Variants in TSPAN11 observed in about 807,000 individuals in gnomAD.
The protein encoded by TSPAN11 is tetraspanin-11.
In TSPAN11, 29 loss-of-function variants were observed where a neutral mutation model predicts 32.9. That is an observed-to-expected ratio of 0.88 (90% CI 0.66 to 1.20). TSPAN11 has a LOEUF of 1.20. TSPAN11 is among the 50% of genes most tolerant of loss of function. The probability of loss-of-function intolerance (pLI) is 0.00; values close to 1 mark genes in which losing one functional copy is unlikely to be tolerated. For missense variants in TSPAN11, 283 were observed against 329.1 expected, an observed-to-expected ratio of 0.86 and a Z score of 1.08; for synonymous variants, 140 against 141.3, an observed-to-expected ratio of 0.99 and a Z score of 0.07.
chr12:30,951,443 C>T (rs1021889304), intron 1 of TSPAN11, among the ~76,000 whole-genome samples: 6 of 152,222 alleles, frequency 3.9e-5, no homozygotes, highest in African/African-American at 1.4e-4. Flanking sequence ...GTGAGTATTG[C>T]ACAGTGGGTA....
In TSPAN11 at chr12:30,992,147, C is replaced by A. The variant is rs1939327275; in HGVS notation, c.*232C>A. The A allele has an allele frequency of 6.7e-6, 4 of 593,894 alleles. No homozygotes were observed. In the East Asian group the frequency reaches 1.1e-4, roughly 17 times the overall value. The allele number at this position is 593,894 out of a possible 1,614,324, so 36.8% of individuals were successfully genotyped here. ...TGAGCCCCCATGGCCAGATCCTGGG[C>A]AGGGAAATGATCCTTTCAGGAGACA... On this transcript the variant is annotated 3_prime_UTR_variant, in exon 8 of 8. Coordinates refer to ENST00000546076, the MANE Select transcript of TSPAN11 (RefSeq NM_001370302.1).
chr12:30,998,261 C>A (rs190355873), downstream of TSPAN11, among the ~76,000 whole-genome samples: 1 of 152,360 alleles, frequency 6.6e-6, no homozygotes, highest in Admixed American at 6.5e-5. Flanking sequence ...AGGCAGGCAG[C>A]ATGATGCCAT....
At chr12:30,954,161 G>A (rs568884556) in intron 2 of TSPAN11, 86 bp downstream of exon 2, 1 of 931,838 alleles carries the variant, frequency 1.1e-6, no homozygotes, top group South Asian at 1.3e-5. Flanking sequence ...CCACTTTGAG[G>A]TTGATATCTT....
At chr12:31,002,102 G>A in the TSPAN11 span, among the ~76,000 whole-genome samples, 1 of 152,170 alleles carries the variant, frequency 6.6e-6, no homozygotes, top group Non-Finnish European at 1.5e-5. This position sits in a 1 kb window ranked among gnomAD's most constrained non-coding sequence, Gnocchi z 4.8. Flanking sequence ...CACTGAGTCT[G>A]TCTCGGTAAA....
intron 1 of TSPAN11, 60 bp downstream of exon 1, chr12:30,926,856 G>T: frequency 9.3e-7 from 1 of 1,077,572 alleles, no homozygotes; most frequent in South Asian, 1.5e-5. Context: ...GGGGGTCCAG[G>T]AGAGGCGCCT....
At chr12:31,013,184 T>A in the TSPAN11 span, among the ~76,000 whole-genome samples, 3 of 152,166 alleles carry the variant, frequency 2.0e-5, no homozygotes, top group Non-Finnish European at 4.4e-5. Context: ...TAAACTTTAA[T>A]CCAGCCATGA....
downstream of TSPAN11, among the ~76,000 whole-genome samples, chr12:30,999,610 A>C (rs1031778110): frequency 1.3e-5 from 2 of 152,160 alleles, no homozygotes; most frequent in African/African-American, 4.8e-5. Flanking sequence ...ATGGGTACTG[A>C]AAGTACGGTT....
In TSPAN11 at chr12:30,979,484, G is replaced by T. The variant is rs111622756; in HGVS notation, c.352-82G>T. ...GTCCGCAGTGTTCTAGAATTAGCTG[G>T]GGGGAGTTGGAAGTGGGCCCGGTGC... On this transcript the variant is annotated intron_variant, in intron 4 of 7. Coordinates refer to ENST00000546076, the MANE Select transcript of TSPAN11 (RefSeq NM_001370302.1). 1.1e-3 allele frequency: 1,437 copies of T among 1,256,106 alleles called. 21 individuals carry two copies. The African/African-American group carries it at 0.019, about 17-fold the overall frequency. 77.8% of individuals were successfully genotyped at this position (1,256,106 alleles called of 1,614,324 possible). A position where few individuals can be genotyped will look rare whatever the true frequency, so the allele number is the denominator to read the frequency against.
chr12:30,979,871 T>C (rs1939053488), intron 5 of TSPAN11, among the ~76,000 whole-genome samples: 1 of 152,236 alleles, frequency 6.6e-6, no homozygotes, highest in Non-Finnish European at 1.5e-5. Flanking sequence ...CCATGAAAAC[T>C]ACCTGTTGAA....
intron 3 of TSPAN11, among the ~76,000 whole-genome samples, chr12:30,968,230 A>G (rs1229417786): frequency 6.6e-6 from 1 of 152,248 alleles, no homozygotes; most frequent in African/African-American, 2.4e-5. Context: ...AAGATGAAAG[A>G]CCAGGCATCT....
chr12:30,938,992 G>C (rs1026709290), intron 1 of TSPAN11, among the ~76,000 whole-genome samples: 1 of 152,052 alleles, frequency 6.6e-6, no homozygotes, highest in Non-Finnish European at 1.5e-5. Flanking sequence ...CAGCACTTTG[G>C]GAGGCTGAGG....
At chr12:30,958,204 T>A (rs1313222382) in intron 2 of TSPAN11, among the ~76,000 whole-genome samples, 2 of 152,100 alleles carry the variant, frequency 1.3e-5, no homozygotes, top group Non-Finnish European at 2.9e-5. Context: ...TAGGGGTAGA[T>A]GGGACTGGGG....
At chr12:30,980,326 T>A (rs1202691244) in intron 5 of TSPAN11, among the ~76,000 whole-genome samples, 2 of 152,162 alleles carry the variant, frequency 1.3e-5, no homozygotes, top group East Asian at 3.9e-4. Flanking sequence ...TCAGCTCAAT[T>A]AAATACAACA....
chr12:30,938,949 C>T (rs975639670), intron 1 of TSPAN11, among the ~76,000 whole-genome samples: 7 of 152,208 alleles, frequency 4.6e-5, no homozygotes, highest in East Asian at 3.9e-4. Flanking sequence ...AAAACAGAAG[C>T]GGGCTGGTTG....
rs925504366 is a variant in TSPAN11, at chr12:30,975,986, G to A, written c.277-2575G>A. ...AGGGAAGTTTGGAGCAGGCAGGAAG[G>A]GCACGCATGTCAGAAAGGAGCCGCA... On this transcript the variant is annotated intron_variant, in intron 3 of 7. Transcript: ENST00000546076. The surrounding 1 kb of genome is among the most constrained non-coding windows in gnomAD (Gnocchi z 4.5). 2.0e-5 allele frequency among the ~76,000 whole-genome samples: 3 copies of A among 152,166 alleles called. No individual in the cohort carries two copies. Among genetic ancestry groups the A allele is most frequent in the African/African-American group, 7.2e-5 (3 of 41,448 alleles).
downstream of TSPAN11, among the ~76,000 whole-genome samples, chr12:30,999,803 A>G (rs939895317): frequency 1.3e-5 from 2 of 152,088 alleles, 1 homozygote; most frequent in East Asian, 3.9e-4. Flanking sequence ...AAAATTTCTA[A>G]GCAACAGGTA....
At chr12:30,968,896 C>T (rs1938791037) in intron 3 of TSPAN11, among the ~76,000 whole-genome samples, 1 of 152,300 alleles carries the variant, frequency 6.6e-6, no homozygotes, top group Admixed American at 6.5e-5. Flanking sequence ...AGCTGGTTTT[C>T]GAGTACCTTG....
At chr12:30,982,790 C>G in intron 6 of TSPAN11, 100 bp downstream of exon 6, 1 of 1,457,128 alleles carries the variant, frequency 6.9e-7, no homozygotes, top group South Asian at 1.4e-5. Context: ...GTGGGAAAAG[C>G]AGGACACATG....
intron 5 of TSPAN11, 42 bp downstream of exon 5, chr12:30,979,712 G>A (rs1939050704): frequency 1.2e-6 from 2 of 1,600,760 alleles, no homozygotes; most frequent in Admixed American, 3.3e-5. Flanking sequence ...AAGCCCACAA[G>A]GATTCAAATC....
Sources: gnomAD v4.1 joint callset for allele counts (sites outside exome capture counted in the v4.1 genomes callset) on GRCh38, gnomAD v4.1.1 for gene constraint, Gnocchi (gnomAD v3.1) non-coding constraint, MANE v1.5 for transcripts, NCBI Gene and HGNC (gene_info 2026-07-23, HGNC 2026-07-21) for gene names.